Variants in DAB2IP observed in about 807,000 individuals in gnomAD.
The protein encoded by DAB2IP is disabled homolog 2-interacting protein.
A neutral mutation model predicts 107.2 loss-of-function variants in DAB2IP; 28 were observed. That is an observed-to-expected ratio of 0.26 (90% CI 0.19 to 0.36). The LOEUF is 0.36. Among genes scored for constraint, DAB2IP ranks in the 10% least tolerant of loss-of-function variants. The pLI is 1.00. For missense variants in DAB2IP, 1,400 were observed against 1,644.7 expected (o/e 0.85, Z 2.57); for synonymous variants, 755 against 706.4 (o/e 1.07, Z -1.09).
chr9:121,783,221 G>C lies in DAB2IP; in HGVS notation c.*723G>C, dbSNP rs992527890. On this transcript the variant is annotated 3_prime_UTR_variant, in exon 16 of 16. Transcript: ENST00000408936. ...CCAGATAGACCCAGTGAGGGCCATG[G>C]CTTTTTCTTGTGAGCTCTTGTCCCT... 1.3e-5 allele frequency: 16 copies of C among 1,228,098 alleles called. 2 individuals are homozygous for C. The highest frequency in any genetic ancestry group is 4.0e-5 in the East Asian group (1 of 25,144). 76.1% of individuals were successfully genotyped at this position (1,228,098 alleles called of 1,614,324 possible).
intron 1 of DAB2IP, among the ~76,000 whole-genome samples, chr9:121,646,229 TG>T (rs1220132987): frequency 6.6e-6 from 1 of 152,138 alleles, no homozygotes; most frequent in Non-Finnish European, 1.5e-5. Flanking sequence ...CGGTGGCTTT[TG>T]GGAGGAAGTC....
chr9:121,763,413 A>G, intron 6 of DAB2IP, 92 bp from the exon 7 acceptor site: 1 of 1,497,788 alleles, frequency 6.7e-7, no homozygotes, highest in Non-Finnish European at 8.9e-7. Context: ...CAGCCTCAAA[A>G]TGCCAGGACT....
chr9:121,748,319 T>C (rs936871690), intron 3 of DAB2IP, among the ~76,000 whole-genome samples: 2 of 152,286 alleles, frequency 1.3e-5, no homozygotes, highest in Non-Finnish European at 2.9e-5. Context: ...GCTGGGCTGA[T>C]TGGATGCCTG....
intron 1 of DAB2IP, among the ~76,000 whole-genome samples, chr9:121,602,587 G>GT (rs142296603): frequency 2.0e-5 from 3 of 151,964 alleles, no homozygotes; most frequent in East Asian, 1.9e-4. Flanking sequence ...GTTTTGTTTT[G>GT]TTTTTTGAGA....
chr9:121,687,000 G>T (rs1167873268), intron 2 of DAB2IP, among the ~76,000 whole-genome samples: 1 of 152,186 alleles, frequency 6.6e-6, no homozygotes, highest in African/African-American at 2.4e-5. Context: ...TAGGTGGTGA[G>T]TTCAGATGGA....
chr9:121,701,951 A>G lies in DAB2IP; in HGVS notation c.362+2493A>G, dbSNP rs1396071474. 6.6e-6 allele frequency among the ~76,000 whole-genome samples: 1 copy of G among 151,878 alleles called. No individual in the cohort carries two copies. The highest frequency in any genetic ancestry group is 6.6e-5 in the Admixed American group (1 of 15,258). ...CTGGCTGCCATGCCTCTGGCTGGGG[A>G]GAGGGTAAGTGCCAAGACGCTAGCC... On this transcript the variant is annotated intron_variant, in intron 3 of 15. Transcript: ENST00000408936. The surrounding 1 kb of genome is among the most constrained non-coding windows in gnomAD (Gnocchi z 4.7).
In DAB2IP at chr9:121,570,643, G is replaced by C. The variant is rs1829916053; in HGVS notation, c.40+3415G>C. Among the ~76,000 whole-genome samples, 3 of 152,044 alleles carry C rather than the reference G, an allele frequency of 2.0e-5. No individual in the cohort carries two copies. The South Asian group carries it at 6.2e-4, about 32-fold the overall frequency. ...AGCTTACTGCAGCTTCGAACTCCTG[G>C]GTGTAAGCAATCCTCCTGCTTCAGC... On this transcript the variant is annotated intron_variant, in intron 1 of 16. Coordinates refer to the DAB2IP transcript ENST00000259371.
At position 121,772,601 on chromosome 9, in the gene DAB2IP, C is replaced by G. The variant is rs1834844465; in HGVS notation, c.2079-6C>G. The stretch of plus-strand genomic sequence containing the variant: ...TCTTTCCCTGTGTGTGCTTGTCTCC[C>G]TGCAGTCTGATAGATTTCACCCGGT... On this transcript the variant is annotated splice_polypyrimidine_tract_variant and splice_region_variant and intron_variant, in intron 11 of 15. Coordinates refer to ENST00000408936, the Ensembl canonical transcript of DAB2IP. The surrounding 1 kb of genome is among the most constrained non-coding windows in gnomAD (Gnocchi z 4.7). The G allele has an allele frequency of 6.2e-7, 1 of 1,608,788 alleles. No individual in the cohort carries two copies. Among genetic ancestry groups the G allele is most frequent in the Non-Finnish European group, 8.5e-7 (1 of 1,176,760 alleles).
Position 121,782,858 on chromosome 9 carries a change from T to C in DAB2IP, c.*360T>C. The stretch of plus-strand genomic sequence containing the variant: ...GAGTGCATGTGTCCCCCCACACCTG[T>C]GCCAGGGAGGGGGCTTCCTGGAGGG... On this transcript the variant is annotated 3_prime_UTR_variant, in exon 16 of 16. Coordinates refer to ENST00000408936, the Ensembl canonical transcript of DAB2IP. This position sits in a 1 kb window ranked among gnomAD's most constrained non-coding sequence, Gnocchi z 6.1. 9.5e-7 allele frequency: 1 copy of C among 1,058,126 alleles called. No individual in the cohort carries two copies. The highest frequency in any genetic ancestry group is 1.1e-6 in the Non-Finnish European group (1 of 876,062). The allele number at this position is 1,058,126 out of a possible 1,614,324, so 65.5% of individuals were successfully genotyped here. A position where few individuals can be genotyped will look rare whatever the true frequency, so the allele number is the denominator to read the frequency against.
intron 1 of DAB2IP, among the ~76,000 whole-genome samples, chr9:121,653,562 C>T (rs1402769389): frequency 1.3e-5 from 2 of 152,058 alleles, no homozygotes; most frequent in African/African-American, 4.8e-5. Context: ...GAAATGGGAG[C>T]TTTGAAAATG....
At chr9:121,595,701 A>G (rs1830517316) in intron 1 of DAB2IP, among the ~76,000 whole-genome samples, 1 of 152,156 alleles carries the variant, frequency 6.6e-6, no homozygotes, top group African/African-American at 2.4e-5. Context: ...ATCTCCCTCT[A>G]TCCAGAGGTA....
chr9:121,668,380 C>G (rs191731228), intron 1 of DAB2IP, among the ~76,000 whole-genome samples: 1 of 151,728 alleles, frequency 6.6e-6, no homozygotes, highest in South Asian at 2.1e-4. Context: ...TAGGATGACA[C>G]GCATGCATTA....
intron 1 of DAB2IP, among the ~76,000 whole-genome samples, chr9:121,664,502 T>C (rs1419285988): frequency 6.6e-6 from 1 of 152,230 alleles, no homozygotes. Flanking sequence ...AACTAAGCAA[T>C]ACTGAGTTTT....
At chr9:121,568,008 G>A (rs541082550) in intron 1 of DAB2IP, among the ~76,000 whole-genome samples, 1 of 152,146 alleles carries the variant, frequency 6.6e-6, no homozygotes, top group Non-Finnish European at 1.5e-5. Flanking sequence ...CTGGGCATGG[G>A]GGGGTGGGGC....
At chr9:121,761,638 C>T (rs1170362019) in intron 6 of DAB2IP, among the ~76,000 whole-genome samples, 2 of 152,048 alleles carry the variant, frequency 1.3e-5, no homozygotes, top group Non-Finnish European at 2.9e-5. Context: ...GGGACCTCCT[C>T]CCCATGGACC....
chr9:121,718,145 C>T (rs1431142923), intron 3 of DAB2IP, among the ~76,000 whole-genome samples: 1 of 152,172 alleles, frequency 6.6e-6, no homozygotes, highest in Non-Finnish European at 1.5e-5. Context: ...GGCAGACTCT[C>T]CTGCCTGCCC....
intron 1 of DAB2IP, among the ~76,000 whole-genome samples, chr9:121,581,824 G>A (rs1360282117): frequency 6.6e-6 from 1 of 152,224 alleles, no homozygotes; most frequent in African/African-American, 2.4e-5. Context: ...TTCGAGCAGA[G>A]GAGGGACAGG....
exon 13 of DAB2IP, chr9:121,774,338 G>A: frequency 6.2e-7 from 1 of 1,613,414 alleles, no homozygotes; most frequent in Non-Finnish European, 8.5e-7. Context: ...GTTGTTAGAA[G>A]ACGAGGGCCT....
At position 121,680,443 on chromosome 9, in the gene DAB2IP, G is replaced by A. The variant is rs533391704; in HGVS notation, c.228+1662G>A. Among the ~76,000 whole-genome samples the A allele has an allele frequency of 7.2e-5, 11 of 152,302 alleles. No homozygotes were observed. The South Asian group carries it at 8.3e-4, about 11-fold the overall frequency. ...CATGGGCAATGAGGAGGAAGCCTGC[G>A]CTGAGACGATTCAGGGTCATGGCCC... On this transcript the variant is annotated intron_variant, in intron 2 of 15. Transcript: ENST00000408936.
Sources: gnomAD v4.1 joint callset for allele counts (sites outside exome capture counted in the v4.1 genomes callset) on GRCh38, gnomAD v4.1.1 for gene constraint, Gnocchi (gnomAD v3.1) non-coding constraint, MANE v1.5 for transcripts, NCBI Gene and HGNC (gene_info 2026-07-23, HGNC 2026-07-21) for gene names.